EXOC4: variants seen among roughly 807,000 people sequenced by gnomAD.
EXOC4 encodes the protein SEC8-like 1.
In EXOC4, 71 loss-of-function variants were observed where a neutral mutation model predicts 107.2. The observed-to-expected ratio is 0.66, with a 90% confidence interval of 0.55 to 0.81. The LOEUF (loss-of-function observed/expected upper bound fraction) is 0.81. EXOC4 is among the 30% of genes least tolerant of loss of function. The probability of loss-of-function intolerance (pLI) is 0.00; values close to 1 mark genes in which losing one functional copy is unlikely to be tolerated. For synonymous variants in EXOC4, 456 were observed against 441.2 expected (o/e 1.03, Z -0.42); for missense variants, 1,108 against 1,189.6 (o/e 0.93, Z 1.01).
At chr7:133,792,161 A>G (rs1796716424) in intron 10 of EXOC4, among the ~76,000 whole-genome samples, 1 of 152,188 alleles carries the variant, frequency 6.6e-6, no homozygotes, top group African/African-American at 2.4e-5. Context: ...CTCTGCCACC[A>G]TTCTGTTTGG....
intron 7 of EXOC4, among the ~76,000 whole-genome samples, chr7:133,451,873 G>GT (rs879675048): frequency 6.6e-6 from 1 of 152,158 alleles, no homozygotes; most frequent in Non-Finnish European, 1.5e-5. Context: ...CAATGATTTT[G>GT]AGTTGGAAAC....
At chr7:133,615,994 C>A (rs1585034112) in intron 9 of EXOC4, among the ~76,000 whole-genome samples, 1 of 152,212 alleles carries the variant, frequency 6.6e-6, no homozygotes, top group Non-Finnish European at 1.5e-5. Context: ...TTTGATCAGT[C>A]AAACGTAGTA....
At chr7:133,637,363 A>G (rs1802737112) in intron 10 of EXOC4, among the ~76,000 whole-genome samples, 1 of 152,196 alleles carries the variant, frequency 6.6e-6, no homozygotes, top group African/African-American at 2.4e-5. Flanking sequence ...AAATGCAGTG[A>G]CATTGTTCTA....
intron 10 of EXOC4, among the ~76,000 whole-genome samples, chr7:133,763,952 A>AT (rs913552181): frequency 6.6e-6 from 1 of 151,988 alleles, no homozygotes; most frequent in African/African-American, 2.4e-5. Flanking sequence ...TCTTGTTTTG[A>AT]TTTTTGTAGC....
At chr7:133,416,080 A>G (rs1305760723) in intron 7 of EXOC4, among the ~76,000 whole-genome samples, 1 of 152,166 alleles carries the variant, frequency 6.6e-6, no homozygotes, top group African/African-American at 2.4e-5. Flanking sequence ...ATTCTTATTA[A>G]TATCCTCCTA....
chr7:133,418,221 CTT>C (rs1158646781), intron 7 of EXOC4, among the ~76,000 whole-genome samples: 1 of 152,146 alleles, frequency 6.6e-6, no homozygotes, highest in Non-Finnish European at 1.5e-5. Flanking sequence ...AGACTCGACA[CTT>C]TTTTTGTTGC....
chr7:133,662,706 T>A (rs1047025056), intron 10 of EXOC4, among the ~76,000 whole-genome samples: 1 of 152,078 alleles, frequency 6.6e-6, no homozygotes, highest in African/African-American at 2.4e-5. Context: ...AACAAATATG[T>A]GTATAAAACA....
intron 14 of EXOC4, among the ~76,000 whole-genome samples, chr7:133,974,769 G>T (rs1563077080): frequency 6.6e-6 from 1 of 152,176 alleles, no homozygotes; most frequent in Non-Finnish European, 1.5e-5. Flanking sequence ...ATAAGCTTTT[G>T]AATGTCCCTA....
At chr7:133,293,599 C>G (rs986170470) in intron 3 of EXOC4, among the ~76,000 whole-genome samples, 2 of 152,216 alleles carry the variant, frequency 1.3e-5, no homozygotes, top group African/African-American at 2.4e-5. Flanking sequence ...TTGCTCTTGG[C>G]AGCTCCTGCT....
intron 14 of EXOC4, among the ~76,000 whole-genome samples, chr7:133,990,042 T>C (rs10252843): frequency 0.23 from 34,559 of 152,118 alleles, 4,968 homozygotes; most frequent in East Asian, 0.39. Flanking sequence ...GTACATGTGA[T>C]ATTTTGATAA....
intron 10 of EXOC4, among the ~76,000 whole-genome samples, chr7:133,696,121 C>T (rs1002060324): frequency 2.0e-5 from 3 of 152,312 alleles, no homozygotes; most frequent in East Asian, 3.9e-4. Context: ...AACTGAGGTG[C>T]TCATTAAACA....
At chr7:133,859,850 G>A (rs768513235) in intron 11 of EXOC4, among the ~76,000 whole-genome samples, 1 of 152,124 alleles carries the variant, frequency 6.6e-6, no homozygotes, top group Non-Finnish European at 1.5e-5. Flanking sequence ...ATTGCTCTGA[G>A]CACTTTTAAG....
At chr7:133,647,511 C>A (rs576161930) in intron 10 of EXOC4, among the ~76,000 whole-genome samples, 3 of 152,068 alleles carry the variant, frequency 2.0e-5, no homozygotes, top group Non-Finnish European at 4.4e-5. Context: ...GATGAAGTAG[C>A]TTGACAAAGA....
chr7:133,481,280 T>A (rs559227801), intron 9 of EXOC4, among the ~76,000 whole-genome samples: 6 of 151,844 alleles, frequency 4.0e-5, no homozygotes, highest in Non-Finnish European at 8.8e-5. Flanking sequence ...TACTAACAAC[T>A]GAGTGGGTGG....
chr7:134,037,804 G>A (rs74740572), intron 17 of EXOC4, among the ~76,000 whole-genome samples: 49 of 152,244 alleles, frequency 3.2e-4, no homozygotes, highest in Non-Finnish European at 5.3e-4. Flanking sequence ...CTTCCTATGA[G>A]TTTTTACAAG....
intron 10 of EXOC4, among the ~76,000 whole-genome samples, chr7:133,789,761 T>C (rs903235000): frequency 4.6e-5 from 7 of 152,210 alleles, no homozygotes; most frequent in African/African-American, 1.4e-4. Context: ...GGGGAAAGAC[T>C]TTCTCTGTTC....
chr7:133,690,682 G>T (rs1195254868), intron 10 of EXOC4, among the ~76,000 whole-genome samples: 2 of 152,128 alleles, frequency 1.3e-5, no homozygotes, highest in Non-Finnish European at 2.9e-5. Context: ...ACAGAAGACA[G>T]ATTAACAGGA....
rs548051345 is a variant in EXOC4 at position 133,484,536 on chromosome 7, G to GT, written c.1417+4400dup. On this transcript the variant is annotated intron_variant, in intron 9 of 17. Transcript: ENST00000253861. ...TTGATGAACACATTATCTGGTGAGG[G>GT]TTAAAAAAAAACAAAAACAAAAAAC... Among the ~76,000 whole-genome samples, 170 of 151,214 alleles carry GT rather than the reference G, an allele frequency of 1.1e-3. 1 individual carries two copies. Among genetic ancestry groups the GT allele is most frequent in the African/African-American group, 3.9e-3 (161 of 41,004 alleles).
At chr7:133,896,098 T>TAA (rs1306948666) in intron 12 of EXOC4, among the ~76,000 whole-genome samples, 2 of 152,228 alleles carry the variant, frequency 1.3e-5, no homozygotes, top group Non-Finnish European at 2.9e-5. Flanking sequence ...AAACTCTTAA[T>TAA]AATCTTTAAT....
Sources: allele counts gnomAD v4.1 joint callset (sites outside exome capture counted in the v4.1 genomes callset), GRCh38; gene constraint gnomAD v4.1.1; transcripts MANE v1.5; gene names NCBI Gene and HGNC (gene_info 2026-07-23, HGNC 2026-07-21).